DNER: variants seen among roughly 807,000 people sequenced by gnomAD.
The protein encoded by DNER is delta and Notch-like epidermal growth factor-related receptor.
DNER carries 33 observed loss-of-function variants against 78.2 expected under a neutral mutation model. The ratio of observed to expected loss-of-function variants is 0.42; its 90% confidence interval spans 0.32 to 0.56. DNER has a LOEUF of 0.56. Among genes scored for constraint, DNER ranks in the 20% least tolerant of loss-of-function variants. The probability of loss-of-function intolerance (pLI) is 0.11; values close to 1 mark genes in which losing one functional copy is unlikely to be tolerated. For synonymous variants in DNER, 417 were observed against 384.8 expected (o/e 1.08, Z -0.98); for missense variants, 918 against 975.3 (o/e 0.94, Z 0.78).
intron 1 of DNER, among the ~76,000 whole-genome samples, chr2:229,603,347 G>A (rs753706565): frequency 1.3e-5 from 2 of 152,020 alleles, no homozygotes; most frequent in African/African-American, 4.8e-5. Context: ...CACCAACATG[G>A]CACATGTATG....
At chr2:229,540,770 C>A (rs981852901) in intron 5 of DNER, among the ~76,000 whole-genome samples, 3 of 152,178 alleles carry the variant, frequency 2.0e-5, no homozygotes, top group African/African-American at 7.2e-5. Context: ...GATAGGCCCA[C>A]CCCTGGGCTC....
At chr2:229,473,330 A>C (rs1404448923) in intron 7 of DNER, among the ~76,000 whole-genome samples, 1 of 152,248 alleles carries the variant, frequency 6.6e-6, no homozygotes. Flanking sequence ...AATCTTTAAA[A>C]ATATAATGTG....
chr2:229,362,897 A>C (rs1692247501), intron 12 of DNER, among the ~76,000 whole-genome samples: 1 of 152,234 alleles, frequency 6.6e-6, no homozygotes, highest in Non-Finnish European at 1.5e-5. Context: ...GGTCCTCTGA[A>C]AGTCAACCAC....
intron 11 of DNER, among the ~76,000 whole-genome samples, chr2:229,369,394 A>T (rs1054086122): frequency 8.6e-5 from 13 of 151,508 alleles, no homozygotes; most frequent in African/African-American, 3.1e-4. Flanking sequence ...CTAAAAAGTT[A>T]AAAAAAAGTT....
chr2:229,583,813 T>G (rs969251904), intron 4 of DNER, among the ~76,000 whole-genome samples: 6 of 152,224 alleles, frequency 3.9e-5, no homozygotes, highest in African/African-American at 7.2e-5. Flanking sequence ...CAAGTCTTTA[T>G]CACACAATTT....
intron 1 of DNER, among the ~76,000 whole-genome samples, chr2:229,609,409 G>A (rs1698002988): frequency 6.6e-6 from 1 of 152,022 alleles, no homozygotes; most frequent in South Asian, 2.1e-4. Flanking sequence ...ATCAAAAGAA[G>A]GTTAATATTC....
intron 1 of DNER, among the ~76,000 whole-genome samples, chr2:229,680,906 A>T (rs951364099): frequency 6.6e-6 from 1 of 152,248 alleles, no homozygotes; most frequent in Admixed American, 6.5e-5. Context: ...AGGCACTGCT[A>T]TAGTAATTAT....
rs545970347 is a variant in DNER, at chr2:229,691,335, A to G, written c.276+22813T>C. Reference sequence around the variant, plus strand: ...TCATTTATATTTACTTGCCAATATAACAGAGTTTATTTCTACCACATCGCA... The same window carrying G: ...TCATTTATATTTACTTGCCAATATAGCAGAGTTTATTTCTACCACATCGCA... On this transcript the variant is annotated intron_variant, in intron 1 of 12. Transcript: ENST00000341772. Among the ~76,000 whole-genome samples the G allele has an allele frequency of 2.6e-4, 40 of 152,280 alleles. No homozygotes were observed. In the East Asian group the frequency reaches 7.6e-3, roughly 29 times the overall value.
chr2:229,383,587 C>CA (rs1217365278), intron 11 of DNER, among the ~76,000 whole-genome samples: 2 of 150,840 alleles, frequency 1.3e-5, no homozygotes, highest in African/African-American at 4.9e-5. Context: ...AAATGGAAAG[C>CA]AAAAAAAGGA....
chr2:229,499,034 A>C (rs1695557679), intron 6 of DNER, among the ~76,000 whole-genome samples: 1 of 152,238 alleles, frequency 6.6e-6, no homozygotes, highest in African/African-American at 2.4e-5. Flanking sequence ...ATAGCAATCA[A>C]AACAGCATGG....
At chr2:229,696,690 C>T (rs1456813465) in intron 1 of DNER, among the ~76,000 whole-genome samples, 1 of 152,158 alleles carries the variant, frequency 6.6e-6, no homozygotes, top group Non-Finnish European at 1.5e-5. Flanking sequence ...CACAGGCTTT[C>T]TTGGGAGGGA....
chr2:229,593,782 T>G (rs1697654245), intron 1 of DNER, among the ~76,000 whole-genome samples: 1 of 152,218 alleles, frequency 6.6e-6, no homozygotes, highest in African/African-American at 2.4e-5. Flanking sequence ...TTTATTCACG[T>G]GAACAAAGGA....
chr2:229,374,820 G>A (rs572900328), intron 11 of DNER, among the ~76,000 whole-genome samples: 1 of 152,206 alleles, frequency 6.6e-6, no homozygotes, highest in Admixed American at 6.5e-5. Flanking sequence ...CTATTTCAGA[G>A]TTTGTACACT....
intron 1 of DNER, among the ~76,000 whole-genome samples, chr2:229,615,412 A>G (rs1409123008): frequency 1.1e-4 from 14 of 127,960 alleles, no homozygotes; most frequent in Admixed American, 1.1e-3. Flanking sequence ...ACTCCGTCTT[A>G]AAAAAAAAAA....
At chr2:229,526,647 G>A (rs184330382) in intron 5 of DNER, among the ~76,000 whole-genome samples, 82 of 152,348 alleles carry the variant, frequency 5.4e-4, no homozygotes, top group Non-Finnish European at 9.6e-4. Context: ...GCGCTCCTAT[G>A]AGAATCTAAT....
At chr2:229,635,597 A>G (rs76154643) in intron 1 of DNER, among the ~76,000 whole-genome samples, 1,778 of 152,262 alleles carry the variant, frequency 0.012, 36 homozygotes, top group African/African-American at 0.041. Context: ...CCCATAGCAT[A>G]ATTGGAATGG....
chr2:229,633,487 G>C (rs1456652487), intron 1 of DNER, among the ~76,000 whole-genome samples: 3 of 152,048 alleles, frequency 2.0e-5, no homozygotes, highest in Non-Finnish European at 2.9e-5. Flanking sequence ...AATACATTGT[G>C]GGAACTAAAC....
At chr2:229,473,439 T>C (rs1220062710) in intron 7 of DNER, among the ~76,000 whole-genome samples, 4 of 152,218 alleles carry the variant, frequency 2.6e-5, no homozygotes, top group Non-Finnish European at 5.9e-5. Context: ...CTATGTGACC[T>C]CAGGCAAGTT....
intron 7 of DNER, among the ~76,000 whole-genome samples, chr2:229,453,758 C>T (rs890820265): frequency 6.6e-6 from 1 of 151,974 alleles, no homozygotes; most frequent in African/African-American, 2.4e-5. Context: ...ACTTACATGT[C>T]TTTGTATCCC....
Sources: allele counts gnomAD v4.1 joint callset (sites outside exome capture counted in the v4.1 genomes callset), GRCh38; gene constraint gnomAD v4.1.1; transcripts MANE v1.5; gene names NCBI Gene and HGNC (gene_info 2026-07-23, HGNC 2026-07-21).